PIP5K1A: variants seen among roughly 807,000 people sequenced by gnomAD.
The protein encoded by PIP5K1A is phosphatidylinositol-4-phosphate 5-kinase type 1 alpha.
A neutral mutation model predicts 72.9 loss-of-function variants in PIP5K1A; 46 were observed. The ratio of observed to expected loss-of-function variants is 0.63; its 90% CI spans 0.50 to 0.81. The LOEUF (loss-of-function observed/expected upper bound fraction) is 0.81, where lower values mean the gene tolerates loss of function less well. Among genes scored for constraint, PIP5K1A ranks in the 30% least tolerant of loss-of-function variants. The pLI is 0.00. For missense variants in PIP5K1A, 458 were observed against 706.1 expected (o/e 0.65, Z 3.98); for synonymous variants, 228 against 255.1 (o/e 0.89, Z 1.01).
At chr1:151,238,397 C>T (rs1290749496) in intron 10 of PIP5K1A, 132 bp downstream of exon 10, 1 of 666,750 alleles carries the variant, frequency 1.5e-6, no homozygotes, top group Non-Finnish European at 2.7e-6. Context: ...CTACTTACTT[C>T]ATTAGTTTTC....
At chr1:151,239,397 C>T (rs1054892110) in intron 11 of PIP5K1A, among the ~76,000 whole-genome samples, 3 of 151,856 alleles carry the variant, frequency 2.0e-5, no homozygotes, top group African/African-American at 4.8e-5. Context: ...CTCAGCTTCC[C>T]GAGTAGGTGG....
intron 9 of PIP5K1A, 80 bp downstream of exon 9, chr1:151,236,843 T>TTTA (rs1324594341): frequency 3.2e-6 from 3 of 940,318 alleles, no homozygotes; most frequent in Non-Finnish European, 4.6e-6. Flanking sequence ...TTTTTTTTTT[T>TTTA]AGTTTCACTC....
intron 14 of PIP5K1A, among the ~76,000 whole-genome samples, chr1:151,244,089 G>A (rs962763517): frequency 6.6e-6 from 1 of 150,706 alleles, no homozygotes; most frequent in African/African-American, 2.4e-5. Flanking sequence ...TGAGGTGGGA[G>A]GATTGCTTGA....
At chr1:151,216,004 G>T in intron 1 of PIP5K1A, 1 of 1,289,540 alleles carries the variant, frequency 7.8e-7, no homozygotes. Flanking sequence ...AAGAGAGGTA[G>T]ATCTGATGTG....
intron 8 of PIP5K1A, among the ~76,000 whole-genome samples, chr1:151,235,379 G>A (rs1690704113): frequency 6.6e-6 from 1 of 152,098 alleles, no homozygotes; most frequent in Non-Finnish European, 1.5e-5. Context: ...CACCGCACCC[G>A]GCCTAGATAT....
intron 1 of PIP5K1A, among the ~76,000 whole-genome samples, chr1:151,200,642 T>C (rs1685087842): frequency 6.6e-6 from 1 of 152,184 alleles, no homozygotes; most frequent in Non-Finnish European, 1.5e-5. Flanking sequence ...TGCTGAAATA[T>C]CTAGTCACAC....
intron 4 of PIP5K1A, 141 bp downstream of exon 4, chr1:151,227,541 T>TTA: frequency 2.1e-6 from 1 of 486,706 alleles, no homozygotes. Context: ...AGCTTAGACT[T>TTA]TAGATTTATT....
At chr1:151,244,015 G>A (rs142311334) in intron 14 of PIP5K1A, among the ~76,000 whole-genome samples, 1 of 151,910 alleles carries the variant, frequency 6.6e-6, no homozygotes, top group South Asian at 2.1e-4. Context: ...ACCAACTGTG[G>A]ACTGAAAATA....
At chr1:151,219,875 G>A (rs1688168396) in intron 1 of PIP5K1A, among the ~76,000 whole-genome samples, 1 of 90,808 alleles carries the variant, frequency 1.1e-5, no homozygotes. Context: ...TTTTTTTGCC[G>A]AGATGGGGTC....
At chr1:151,236,801 GC>G in intron 9 of PIP5K1A, 38 bp downstream of exon 9, 1 of 1,131,672 alleles carries the variant, frequency 8.8e-7, no homozygotes, top group Non-Finnish European at 1.3e-6. Flanking sequence ...GAGAACATAG[GC>G]CCACAGCACT....
intron 5 of PIP5K1A, 28 bp from the exon 6 acceptor site, chr1:151,232,220 T>C (rs1273807094): frequency 6.8e-7 from 1 of 1,478,042 alleles, no homozygotes. Flanking sequence ...GACTGGCAAG[T>C]TATGGCTACC....
At chr1:151,202,952 A>G (rs1217019323) in intron 1 of PIP5K1A, among the ~76,000 whole-genome samples, 7 of 151,888 alleles carry the variant, frequency 4.6e-5, no homozygotes, top group Non-Finnish European at 1.0e-4. Flanking sequence ...GTATTTTAGT[A>G]GAGATCAGAT....
chr1:151,236,582 G>A lies in PIP5K1A; in HGVS notation c.964G>A (p.Asp322Asn). 1 of 1,605,850 alleles carries A rather than the reference G, an allele frequency of 6.2e-7. No individual in the cohort carries two copies. The highest frequency in any genetic ancestry group is 8.5e-7 in the Non-Finnish European group (1 of 1,172,514). ...CLVLQSFKIM[D>N]YSLLMSIHNI... ...GGTGCTGCAGAGCTTCAAGATAATG[G>A]ATTACAGCCTCTTGATGTCAATCCA... Residue 322 changes from aspartate (D) to asparagine (N), a missense_variant, in exon 9 of 16, where the codon GAT (aspartate) becomes AAT (asparagine). Asp to Asn is a conservative substitution (Grantham distance 23). Transcript: ENST00000368888.
At chr1:151,202,843 GCT>G (rs1324428584) in intron 1 of PIP5K1A, among the ~76,000 whole-genome samples, 1 of 151,704 alleles carries the variant, frequency 6.6e-6, no homozygotes, top group Non-Finnish European at 1.5e-5. Flanking sequence ...AGCAATCTTG[GCT>G]CACTGCAGCC....
chr1:151,241,519 G>C (rs1691705416), intron 12 of PIP5K1A, among the ~76,000 whole-genome samples: 1 of 151,690 alleles, frequency 6.6e-6, no homozygotes. Context: ...AAAGAAAAAG[G>C]GGGCAGGGCA....
intron 3 of PIP5K1A, among the ~76,000 whole-genome samples, chr1:151,226,090 C>CTTTTTTTTTTTTTTTTTTTTTTTTTTT (rs1271678597): frequency 8.4e-6 from 1 of 119,440 alleles, no homozygotes. Context: ...TGTTTCTTTT[C>CTTTTTTTTTTTTTTTTTTTTTTTTTTT]TTTTTTTTTT....
intron 13 of PIP5K1A, 57 bp downstream of exon 13, chr1:151,242,326 G>A: frequency 1.2e-6 from 2 of 1,604,886 alleles, no homozygotes; most frequent in South Asian, 2.2e-5. Context: ...TTCCTTCTGA[G>A]CCTTTATCTT....
At position 151,238,071 on chromosome 1, in the gene PIP5K1A, CCTT is replaced by C. The variant is rs201381402; in HGVS notation, c.1146-108_1146-106del. 1,055 of 672,244 alleles carry C rather than the reference CCTT, an allele frequency of 1.6e-3. 9 individuals carry two copies. The African/African-American group carries it at 0.016, about 10-fold the overall frequency. The allele number at this position is 672,244 out of a possible 1,614,324, so 41.6% of individuals were successfully genotyped here. On this transcript the variant is annotated intron_variant, in intron 9 of 15. Coordinates refer to ENST00000368888, the MANE Select transcript of PIP5K1A (RefSeq NM_001135638.2). ...GTTTTCTTGATCACTTATTATCTGA[CCTT>C]CTGGTTTATGGAGGATGAGGCAGTT...
At chr1:151,241,459 G>T (rs2101624162) in intron 12 of PIP5K1A, among the ~76,000 whole-genome samples, 1 of 152,114 alleles carries the variant, frequency 6.6e-6, no homozygotes, top group South Asian at 2.1e-4. Flanking sequence ...AGCCAAGATG[G>T]CACCACTGCA....
Sources: allele counts gnomAD v4.1 joint callset (sites outside exome capture counted in the v4.1 genomes callset), GRCh38; gene constraint gnomAD v4.1.1; transcripts MANE v1.5; gene names NCBI Gene and HGNC (gene_info 2026-07-23, HGNC 2026-07-21).